Variants in RCN3 observed in about 807,000 individuals in gnomAD.
RCN3 encodes reticulocalbin-3.
In RCN3, 41 loss-of-function variants were observed where a neutral mutation model predicts 35.9. The ratio of observed to expected loss-of-function variants is 1.14; its 90% CI spans 0.89 to 1.48. The LOEUF is 1.48. RCN3 is among the 40% of genes most tolerant of loss of function. RCN3 has a pLI of 0.00. For synonymous variants in RCN3, 187 were observed against 193.4 expected (o/e 0.97, Z 0.27); for missense variants, 451 against 471.3 (o/e 0.96, Z 0.40).
chr19:49,542,615 C>T lies in RCN3; in HGVS notation c.742C>T (p.Gln248Ter), dbSNP rs1209292574. Residue 248 changes from glutamine to a stop codon, truncating the protein, a stop_gained, in exon 6 of 7, where the codon CAG (glutamine) becomes TAG (stop). Transcript: ENST00000270645. LOFTEE classifies it high-confidence loss of function. ...EPAWVQTERQ[Q>*]FRDFRDLNKD... is the part of the protein sequence containing the mutation. ...GGCGTGGGTGCAGACGGAGAGGCAGCAGTTCCGGGACTTCCGGGATCTGAA... is the reference window on the plus strand; with the variant it reads ...GGCGTGGGTGCAGACGGAGAGGCAGTAGTTCCGGGACTTCCGGGATCTGAA... 9.9e-6 allele frequency: 16 copies of T among 1,609,070 alleles called. No homozygotes were observed. The highest frequency in any genetic ancestry group is 1.4e-5 in the Non-Finnish European group (16 of 1,178,264).
chr19:49,537,200 A>G lies in RCN3; in HGVS notation c.613A>G (p.Ile205Val). The G allele has an allele frequency of 2.6e-6, 4 of 1,515,584 alleles. No homozygotes were observed. In the South Asian group the frequency reaches 5.0e-5, roughly 19 times the overall value. The allele number at this position is 1,515,584 out of a possible 1,614,324, so 93.9% of individuals were successfully genotyped here. ...EEFPHMRDIVIAETLEDLDRN... is the reference protein window; with the variant it reads ...EEFPHMRDIVVAETLEDLDRN... ...GTTCCCTCACATGCGGGACATCGTG[A>G]TTGCTGTGAGTGGCGGCTGGGGAAC... The change falls in exon 4 of 7, where the codon ATT becomes GTT. Residue 205 changes from isoleucine to valine, a missense_variant. Physicochemically the swap from Ile to Val is conservative, Grantham distance 29 (BLOSUM62 3). Transcript: ENST00000270645.
At chr19:49,529,340 A>T (rs1352611772) in intron 2 of RCN3, among the ~76,000 whole-genome samples, 1 of 152,074 alleles carries the variant, frequency 6.6e-6, no homozygotes, top group East Asian at 1.9e-4. Flanking sequence ...GTGGAAAATG[A>T]GGTTTGGCCT....
In RCN3 at chr19:49,534,381, G is replaced by A; in HGVS notation, c.431G>A (p.Gly144Asp). ...GWEELRNATY[G>D]HYAPGEEFHD... ...GAGGAGCTGCGCAACGCCACCTATG[G>A]CCACTACGCGCCCGGTACGCGGCGA... The change falls in exon 3 of 7, where the codon GGC (glycine) becomes GAC (aspartate). Residue 144 changes from glycine (G) to aspartate (D), a missense_variant. By Grantham distance (94) the Gly-to-Asp change is moderately conservative. Transcript: ENST00000270645. The A allele has an allele frequency of 3.9e-6, 6 of 1,538,584 alleles. No homozygotes were observed. The highest frequency in any genetic ancestry group is 5.2e-6 in the Non-Finnish European group (6 of 1,144,580).
At position 49,534,325 on chromosome 19, in the gene RCN3, C is replaced by G. The variant is rs1039334661; in HGVS notation, c.375C>G (p.Tyr125Ter). The G allele has an allele frequency of 1.3e-6, 2 of 1,514,726 alleles. No homozygotes were observed. Among genetic ancestry groups the G allele is most frequent in the Admixed American group, 4.4e-5 (2 of 45,870 alleles). The allele number at this position is 1,514,726 out of a possible 1,614,324, so 93.8% of individuals were successfully genotyped here. A position where few individuals can be genotyped will look rare whatever the true frequency, so the allele number is the denominator to read the frequency against. The change falls in exon 3 of 7, where the codon TAC (tyrosine) becomes TAG (stop). Residue 125 changes from tyrosine (Y) to a stop codon, truncating the protein, a stop_gained. Coordinates refer to ENST00000270645, the MANE Select transcript of RCN3 (RefSeq NM_020650.3). LOFTEE classifies it high-confidence loss of function. ...CGGTGAGCGCGGCCTGGGACACGTA[C>G]GACACGGACCGCGACGGGCGTGTGG... ...RDSVSAAWDT[Y>*]DTDRDGRVGW...
chr19:49,528,350 C>A, intron 1 of RCN3, 117 bp from the exon 2 acceptor site: 1 of 1,029,652 alleles, frequency 9.7e-7, no homozygotes, highest in Non-Finnish European at 1.3e-6. Context: ...CGAAAGCTTG[C>A]AGCCAACTTC....
intron 3 of RCN3, among the ~76,000 whole-genome samples, chr19:49,535,022 G>T (rs2080127671): frequency 6.6e-6 from 1 of 151,860 alleles, no homozygotes; most frequent in African/African-American, 2.4e-5. Flanking sequence ...CCTGGCCCCA[G>T]CCTCCCCGTC....
intron 2 of RCN3, among the ~76,000 whole-genome samples, chr19:49,533,293 G>A: frequency 6.6e-6 from 1 of 152,212 alleles, no homozygotes; most frequent in East Asian, 1.9e-4. Flanking sequence ...AGGCAGGCCT[G>A]GAGAGGGCTC....
Position 49,537,210 on chromosome 19 carries a change from G to C in RCN3, c.618+5G>C, listed in dbSNP as rs761710307. On this transcript the variant is annotated splice_donor_5th_base_variant and intron_variant, in intron 4 of 6. Transcript: ENST00000270645. ...ATGCGGGACATCGTGATTGCTGTGA[G>C]TGGCGGCTGGGGAACCCTGTCCCCC... 52 of 1,499,226 alleles carry C rather than the reference G, an allele frequency of 3.5e-5. No homozygotes were observed. The highest frequency in any genetic ancestry group is 4.5e-5 in the Non-Finnish European group (50 of 1,115,918). The allele number at this position is 1,499,226 out of a possible 1,614,324, so 92.9% of individuals were successfully genotyped here. A position where few individuals can be genotyped will look rare whatever the true frequency, so the allele number is the denominator to read the frequency against.
At chr19:49,537,690 G>A (rs962533328) in intron 4 of RCN3, among the ~76,000 whole-genome samples, 2 of 151,890 alleles carry the variant, frequency 1.3e-5, no homozygotes, top group African/African-American at 4.8e-5. Flanking sequence ...GTAGAGACAG[G>A]GTTTCTTCAT....
At position 49,528,650 on chromosome 19, in the gene RCN3, C is replaced by G. The variant is rs774326276; in HGVS notation, c.178C>G (p.Leu60Val). Residue 60 changes from leucine (L) to valine (V), a missense_variant, in exon 2 of 7, where the codon CTG becomes GTG. Transcript: ENST00000270645. ...GNFQYDHEAFLGREVAKEFDQ... is the reference protein window; with the variant it reads ...GNFQYDHEAFVGREVAKEFDQ... ...CTTCCAGTACGACCATGAGGCTTTC[C>G]TGGGACGGGAAGTGGCCAAGGAATT... The G allele has an allele frequency of 3.1e-6, 5 of 1,611,850 alleles. No individual in the cohort carries two copies. Among genetic ancestry groups the G allele is most frequent in the Non-Finnish European group, 4.2e-6 (5 of 1,179,116 alleles).
At position 49,532,951 on chromosome 19, in the gene RCN3, C is replaced by T. The variant is rs546397818; in HGVS notation, c.243-1242C>T. Among the ~76,000 whole-genome samples the T allele has an allele frequency of 2.0e-5, 3 of 152,354 alleles. No homozygotes were observed. In the South Asian group the frequency reaches 6.2e-4, roughly 32 times the overall value. On this transcript the variant is annotated intron_variant, in intron 2 of 6. Coordinates refer to ENST00000270645, the MANE Select transcript of RCN3 (RefSeq NM_020650.3). ...TTGGCTTCCCAAAGTGCTGGGATTA[C>T]AGGCGTGAGCCACCGCGCCTGTCCT...
intron 2 of RCN3, among the ~76,000 whole-genome samples, chr19:49,533,647 AGCACAGG>A (rs2122722215): frequency 6.8e-6 from 1 of 147,602 alleles, no homozygotes; most frequent in East Asian, 2.1e-4. Context: ...CACGGGGCTC[AGCACAGG>A]GCAGGGCTGG....
chr19:49,542,532 C>A, intron 5 of RCN3, 21 bp from the exon 6 acceptor site: 2 of 1,552,778 alleles, frequency 1.3e-6, no homozygotes, highest in South Asian at 1.2e-5. Context: ...CTGACCTTGT[C>A]CCCTCTGTCC....
At chr19:49,532,146 T>C (rs1266188328) in intron 2 of RCN3, among the ~76,000 whole-genome samples, 3 of 97,932 alleles carry the variant, frequency 3.1e-5, no homozygotes, top group South Asian at 4.1e-4. Flanking sequence ...CACTCTGTCA[T>C]CCAGGCTGGA....
At chr19:49,541,061 G>A (rs1178639374) in intron 5 of RCN3, among the ~76,000 whole-genome samples, 1 of 151,954 alleles carries the variant, frequency 6.6e-6, no homozygotes, top group Non-Finnish European at 1.5e-5. Flanking sequence ...CTCCTGAGTA[G>A]GTGGGATTAT....
rs1271640370 is a variant in RCN3 at position 49,542,915 on chromosome 19, AAG to A, written c.879+168_879+169del. Among the ~76,000 whole-genome samples the A allele has an allele frequency of 9.9e-5, 15 of 150,848 alleles. No individual in the cohort carries two copies. In the South Asian group the frequency reaches 2.7e-3, roughly 27 times the overall value. ...AAAAGAGAGGGCACGGAGCCCCAGAAAGAGAGGGGGACAGAGACCCAGAGACC... is the reference window on the plus strand; with the variant it reads ...AAAAGAGAGGGCACGGAGCCCCAGAAAGAGGGGGACAGAGACCCAGAGACC... On this transcript the variant is annotated intron_variant, in intron 6 of 6. Transcript: ENST00000270645.
intron 3 of RCN3, among the ~76,000 whole-genome samples, chr19:49,535,711 G>A (rs995295245): frequency 1.3e-5 from 2 of 151,666 alleles, no homozygotes; most frequent in Non-Finnish European, 2.9e-5. Context: ...TTAGCTGGGC[G>A]TGATGGTGTG....
chr19:49,532,538 G>A (rs1295999361), intron 2 of RCN3, among the ~76,000 whole-genome samples: 1 of 152,016 alleles, frequency 6.6e-6, no homozygotes, highest in African/African-American at 2.4e-5. Flanking sequence ...ACTGTGCCCG[G>A]CTACTTTTTG....
At position 49,528,503 on chromosome 19, in the gene RCN3, C is replaced by T; in HGVS notation, c.31C>T (p.Leu11=). 1 of 1,537,284 alleles carries T rather than the reference C, an allele frequency of 6.5e-7. No homozygotes were observed. The highest frequency in any genetic ancestry group is 8.7e-7 in the Non-Finnish European group (1 of 1,143,360). MMWRPSVLLL[L]LLLRHGAQGK... ...GTGGCGACCATCAGTTCTGCTGCTT[C>T]TGTTGCTACTGAGGCACGGGGCCCA... Residue 11 remains leucine, a synonymous_variant, in exon 2 of 7, where the codon CTG becomes TTG. Transcript: ENST00000270645.
Sources: gnomAD v4.1 joint callset for allele counts (sites outside exome capture counted in the v4.1 genomes callset) on GRCh38, gnomAD v4.1.1 for gene constraint, MANE v1.5 for transcripts, NCBI Gene and HGNC (gene_info 2026-07-23, HGNC 2026-07-21) for gene names.